Variants in MYO1B observed in about 807,000 individuals in gnomAD.
MYO1B encodes unconventional myosin-Ib.
Under a neutral mutation model 159.7 loss-of-function variants are expected in MYO1B, and 72 were observed. That is an observed-to-expected ratio of 0.45 (90% CI 0.37 to 0.55). The LOEUF is 0.55. Ranked by LOEUF, MYO1B falls within the 20% of genes least tolerant of loss-of-function variation. The pLI, the probability that MYO1B is intolerant of heterozygous loss-of-function variation, is 0.00. For synonymous variants in MYO1B, 468 were observed against 473.8 expected, an observed-to-expected ratio of 0.99 and a Z score of 0.16; for missense variants, 1,062 against 1,364.8, an observed-to-expected ratio of 0.78 and a Z score of 3.50.
At chr2:191,318,233 G>A (rs1690478288) in intron 3 of MYO1B, among the ~76,000 whole-genome samples, 1 of 152,186 alleles carries the variant, frequency 6.6e-6, no homozygotes. Flanking sequence ...GGAGTTCCAG[G>A]GAAATGAGCC....
At chr2:191,333,127 A>G (rs975546924) in intron 4 of MYO1B, among the ~76,000 whole-genome samples, 3 of 152,228 alleles carry the variant, frequency 2.0e-5, no homozygotes, top group Non-Finnish European at 4.4e-5. Flanking sequence ...CTTACTAAAA[A>G]TTAGTTGATT....
At chr2:191,395,551 C>T (rs10439263) in intron 20 of MYO1B, among the ~76,000 whole-genome samples, 8,503 of 152,300 alleles carry the variant, frequency 0.056, 799 homozygotes, top group African/African-American at 0.19. Context: ...ATTAGGGATG[C>T]CCCCATGTTT....
chr2:191,401,525 C>T (rs980879799), intron 23 of MYO1B: 1 of 152,164 alleles, frequency 6.6e-6, no homozygotes, highest in African/African-American at 2.4e-5. Flanking sequence ...ATTTCACATA[C>T]CCCAAGGGAC....
In MYO1B at chr2:191,249,555, TGGCACTGG is replaced by T. The variant is rs1341789772; in HGVS notation, c.-10+3931_-10+3938del. On this transcript the variant is annotated intron_variant, in intron 1 of 30. Transcript: ENST00000392318. ...TCTGTCCTTAGGGTGGCACTGAGAG[TGGCACTGG>T]GCAAGAGGTACCAGACTTTGACACC... is the stretch of plus-strand genomic sequence containing the variant. 3.9e-5 allele frequency among the ~76,000 whole-genome samples: 6 copies of T among 152,176 alleles called. No individual in the cohort carries two copies. The East Asian group carries it at 1.2e-3, about 29-fold the overall frequency.
At chr2:191,363,082 T>A (rs1693776617) in intron 9 of MYO1B, among the ~76,000 whole-genome samples, 1 of 152,244 alleles carries the variant, frequency 6.6e-6, no homozygotes, top group Non-Finnish European at 1.5e-5. Flanking sequence ...TGTAGCCTAG[T>A]CATTTTTAAA....
intron 7 of MYO1B, among the ~76,000 whole-genome samples, chr2:191,358,428 C>T (rs956941574): frequency 6.6e-6 from 1 of 152,162 alleles, no homozygotes; most frequent in African/African-American, 2.4e-5. Flanking sequence ...GTGCAGTTTA[C>T]GAAGTACACT....
At chr2:191,388,871 C>T (rs1695567117) in intron 17 of MYO1B, among the ~76,000 whole-genome samples, 2 of 152,060 alleles carry the variant, frequency 1.3e-5, no homozygotes, top group South Asian at 2.1e-4. Flanking sequence ...AAAGCTTCTT[C>T]ATTCCCCTCC....
intron 3 of MYO1B, among the ~76,000 whole-genome samples, chr2:191,318,755 A>G (rs1007024155): frequency 6.6e-6 from 1 of 152,240 alleles, no homozygotes; most frequent in Non-Finnish European, 1.5e-5. Flanking sequence ...GACATGACTT[A>G]AAACACTTGA....
chr2:191,260,877 A>G (rs1013837889), intron 1 of MYO1B, among the ~76,000 whole-genome samples: 6 of 152,190 alleles, frequency 3.9e-5, no homozygotes, highest in Non-Finnish European at 1.5e-5. Flanking sequence ...ACTTATGACT[A>G]TATATTTGGA....
At chr2:191,403,432 G>T (rs1696733524) in intron 24 of MYO1B, among the ~76,000 whole-genome samples, 1 of 152,154 alleles carries the variant, frequency 6.6e-6, no homozygotes, top group Non-Finnish European at 1.5e-5. Flanking sequence ...ACCATGTAAG[G>T]ATCTGATCTT....
chr2:191,398,604 C>T (rs568910899), intron 21 of MYO1B, among the ~76,000 whole-genome samples: 1 of 150,704 alleles, frequency 6.6e-6, no homozygotes, highest in Non-Finnish European at 1.5e-5. Context: ...TGCGGCCCAG[C>T]AGAGGCGCTC....
At chr2:191,367,748 A>G (rs1694096615) in intron 11 of MYO1B, among the ~76,000 whole-genome samples, 1 of 152,210 alleles carries the variant, frequency 6.6e-6, no homozygotes. Context: ...GATAACTTGA[A>G]TTTATAAGAA....
intron 1 of MYO1B, among the ~76,000 whole-genome samples, chr2:191,256,737 T>G (rs928156343): frequency 2.0e-5 from 3 of 152,194 alleles, no homozygotes; most frequent in Non-Finnish European, 4.4e-5. Flanking sequence ...AAAGTCAGGC[T>G]GGCGGTCTCC....
intron 8 of MYO1B, 61 bp downstream of exon 8, chr2:191,360,790 G>GTTGTTGT (rs1693620527): frequency 4.4e-6 from 3 of 676,844 alleles, no homozygotes; most frequent in Non-Finnish European, 6.7e-6. Context: ...GTTGTTGTTG[G>GTTGTTGT]AGCTGGGAGT....
At chr2:191,283,088 A>C (rs764804652) in intron 2 of MYO1B, among the ~76,000 whole-genome samples, 2 of 152,226 alleles carry the variant, frequency 1.3e-5, no homozygotes, top group South Asian at 4.1e-4. Context: ...AGCACCATCT[A>C]TCTCTTGGAC....
At chr2:191,403,813 A>C (rs1696751341) in intron 24 of MYO1B, among the ~76,000 whole-genome samples, 1 of 152,170 alleles carries the variant, frequency 6.6e-6, no homozygotes. Context: ...AAGCTCTATA[A>C]CCGGTTTTTT....
At chr2:191,417,636 C>A (rs1697655372) in intron 30 of MYO1B, among the ~76,000 whole-genome samples, 1 of 152,160 alleles carries the variant, frequency 6.6e-6, no homozygotes, top group African/African-American at 2.4e-5. Context: ...AACATCCAGA[C>A]CACAAAGTAC....
intron 20 of MYO1B, among the ~76,000 whole-genome samples, chr2:191,393,561 A>G (rs73984126): frequency 0.016 from 2,406 of 152,308 alleles, 64 homozygotes; most frequent in African/African-American, 0.055. Flanking sequence ...TGGAAGAGAC[A>G]ATATCCTTTA....
intron 24 of MYO1B, chr2:191,407,582 G>C (rs1697001868): frequency 6.6e-6 from 1 of 152,120 alleles, no homozygotes; most frequent in Non-Finnish European, 1.5e-5. Flanking sequence ...TATAAAGTTT[G>C]GTGGGAGTAG....
Sources: gnomAD v4.1 joint callset for allele counts (sites outside exome capture counted in the v4.1 genomes callset) on GRCh38, gnomAD v4.1.1 for gene constraint, MANE v1.5 for transcripts, NCBI Gene and HGNC (gene_info 2026-07-23, HGNC 2026-07-21) for gene names.